MID1: variants seen among roughly 807,000 people sequenced by gnomAD.
The protein encoded by MID1 is E3 ubiquitin-protein ligase Midline-1.
Under a neutral mutation model 40.4 loss-of-function variants are expected in MID1, and 7 were observed. The observed-to-expected ratio is 0.17, with a 90% CI of 0.10 to 0.33. MID1 has a LOEUF of 0.33. Among genes scored for constraint, MID1 ranks in the 10% least tolerant of loss-of-function variants. MID1 has a pLI of 1.00. For missense variants in MID1, 367 were observed against 558.5 expected (o/e 0.66, Z 3.46); for synonymous variants, 229 against 221.2 (o/e 1.04, Z -0.31).
At chrX:10,558,858 G>T (rs1159924235) in intron 2 of MID1, among the ~76,000 whole-genome samples, 1 of 112,608 alleles carries the variant, frequency 8.9e-6, no homozygotes, top group Non-Finnish European at 1.9e-5. Context: ...ACATGATGAA[G>T]AGGTACCATG....
intron 1 of MID1, among the ~76,000 whole-genome samples, chrX:10,626,738 C>T (rs1935999883): frequency 9.0e-6 from 1 of 111,327 alleles, no homozygotes; most frequent in Non-Finnish European, 1.9e-5. Context: ...CATCCTGGAG[C>T]CTCCAAATGA....
At chrX:10,675,449 G>A (rs2147065986) in intron 1 of MID1, among the ~76,000 whole-genome samples, 1 of 111,030 alleles carries the variant, frequency 9.0e-6, no homozygotes, top group Admixed American at 9.6e-5. Context: ...TATGAGGAAA[G>A]GCTTCTGGAC....
intron 1 of MID1, among the ~76,000 whole-genome samples, chrX:10,719,830 A>G (rs201644525): frequency 9.0e-6 from 1 of 111,290 alleles, no homozygotes; most frequent in East Asian, 2.8e-4. Context: ...AAACAGCATG[A>G]TACTGGTACC....
chrX:10,730,815 C>A (rs1233381360), intron 1 of MID1, among the ~76,000 whole-genome samples: 1 of 110,735 alleles, frequency 9.0e-6, no homozygotes, highest in Non-Finnish European at 1.9e-5. Context: ...ACCTCATGAT[C>A]CGCCCACGTC....
At chrX:10,573,081 T>C (rs1369185930) in intron 1 of MID1, among the ~76,000 whole-genome samples, 1 of 112,518 alleles carries the variant, frequency 8.9e-6, no homozygotes, top group Admixed American at 9.4e-5. Flanking sequence ...GTGGGAGGCA[T>C]TGGATACATC....
intron 1 of MID1, among the ~76,000 whole-genome samples, chrX:10,602,485 C>T (rs1438733324): frequency 9.1e-6 from 1 of 110,448 alleles, no homozygotes; most frequent in Admixed American, 9.7e-5. Context: ...TTCTCCCCTC[C>T]CCTATCCCCC....
At chrX:10,517,509 T>G (rs1299110747) in intron 3 of MID1, among the ~76,000 whole-genome samples, 1 of 112,486 alleles carries the variant, frequency 8.9e-6, no homozygotes, top group Non-Finnish European at 1.9e-5. Context: ...GAGTTGGAAA[T>G]GCCAGTTGTC....
chrX:10,579,793 C>CT (rs765255047), intron 1 of MID1, among the ~76,000 whole-genome samples: 5,290 of 94,892 alleles, frequency 0.056, 191 homozygotes, highest in African/African-American at 0.12. Context: ...GGGAAGAAGT[C>CT]TTTTTTTTTT....
chrX:10,794,485 A>T (rs1262319093), intron 1 of MID1, among the ~76,000 whole-genome samples: 1 of 112,562 alleles, frequency 8.9e-6, no homozygotes, highest in Non-Finnish European at 1.9e-5. Context: ...ACCATCACAT[A>T]GAAACCAGTC....
chrX:10,448,552 C>A lies in MID1; in HGVS notation c.*816G>T, dbSNP rs1928137846. 1 of 112,034 alleles carries A rather than the reference C, an allele frequency of 8.9e-6. No individual in the cohort carries two copies. The highest frequency in any genetic ancestry group is 3.2e-5 in the African/African-American group (1 of 30,772). The allele number at this position is 112,034 out of a possible 1,213,427, so 9.2% of individuals were successfully genotyped here. A position where few individuals can be genotyped will look rare whatever the true frequency, so the allele number is the denominator to read the frequency against. ...TTCTATACTATAAAACAGAATCCTA[C>A]CTCTGATAAAAGACAAATCAGCCTG... On this transcript the variant is annotated 3_prime_UTR_variant, in exon 10 of 10. Coordinates refer to ENST00000317552, the MANE Select transcript of MID1 (RefSeq NM_000381.4).
intron 2 of MID1, among the ~76,000 whole-genome samples, chrX:10,561,734 G>A (rs1274399172): frequency 9.3e-6 from 1 of 107,190 alleles, no homozygotes. Flanking sequence ...AGATGCTGGC[G>A]AGGCTGTGGA....
chrX:10,494,218 TATAA>T (rs1931108241), intron 4 of MID1, among the ~76,000 whole-genome samples: 1 of 112,281 alleles, frequency 8.9e-6, no homozygotes, highest in African/African-American at 3.2e-5. Context: ...AATTTATGTG[TATAA>T]ATATTTTGTA....
chrX:10,657,802 T>A (rs752039827), intron 1 of MID1, among the ~76,000 whole-genome samples: 1 of 112,544 alleles, frequency 8.9e-6, no homozygotes, highest in South Asian at 3.7e-4. Flanking sequence ...ATAGCTATGT[T>A]CAAATATTTA....
chrX:10,796,031 C>T lies in MID1; in HGVS notation c.-187+37523G>A, dbSNP rs775840592. ...ATGGAAGAATGAGGCTGTAAGTTTGCTCACCAAGAGGCACTTGGTGGGAAG... is the reference window on the plus strand; with the variant it reads ...ATGGAAGAATGAGGCTGTAAGTTTGTTCACCAAGAGGCACTTGGTGGGAAG... On this transcript the variant is annotated intron_variant, in intron 1 of 10. Coordinates refer to the MID1 transcript ENST00000380785. Among the ~76,000 whole-genome samples, 3 of 112,081 alleles carry T rather than the reference C, an allele frequency of 2.7e-5. No individual in the cohort carries two copies. The South Asian group carries it at 1.1e-3, about 42-fold the overall frequency.
chrX:10,673,398 G>A (rs758679019), intron 1 of MID1, among the ~76,000 whole-genome samples: 6 of 112,023 alleles, frequency 5.4e-5, no homozygotes, highest in Non-Finnish European at 7.5e-5. Context: ...GGCAGGCATG[G>A]CCAGAAACCA....
intron 1 of MID1, among the ~76,000 whole-genome samples, chrX:10,790,483 C>A (rs2043922466): frequency 9.1e-6 from 1 of 110,273 alleles, no homozygotes; most frequent in Admixed American, 9.8e-5. Context: ...GGCCATTAGG[C>A]AGCATTGGTA....
At position 10,596,797 on chromosome X, in the gene MID1, G is replaced by C. The variant is rs368406693; in HGVS notation, c.-57+23493C>G. 6.4e-4 allele frequency among the ~76,000 whole-genome samples: 72 copies of C among 112,231 alleles called. No homozygotes were observed. In the South Asian group the frequency reaches 0.026, roughly 41 times the overall value. On this transcript the variant is annotated intron_variant, in intron 1 of 9. Coordinates refer to ENST00000317552, the MANE Select transcript of MID1 (RefSeq NM_000381.4). Reference sequence around the variant, plus strand: ...ATCCAAAGTAAATAGGACTAAGGGAGCCCTGGGGACACCAAAACCCTGTTA... The same window carrying C: ...ATCCAAAGTAAATAGGACTAAGGGACCCCTGGGGACACCAAAACCCTGTTA...
intron 1 of MID1, among the ~76,000 whole-genome samples, chrX:10,809,372 A>T (rs1318618487): frequency 3.6e-5 from 4 of 111,913 alleles, no homozygotes; most frequent in Non-Finnish European, 7.5e-5. Context: ...CAGTGTGGCG[A>T]TTCCTCAAGG....
intron 1 of MID1, among the ~76,000 whole-genome samples, chrX:10,772,263 A>G (rs922496273): frequency 1.8e-5 from 2 of 111,189 alleles, no homozygotes; most frequent in African/African-American, 6.5e-5. Flanking sequence ...ATTTGCAGCA[A>G]CCTCGATGAT....
Sources: allele counts gnomAD v4.1 joint callset (sites outside exome capture counted in the v4.1 genomes callset), GRCh38; gene constraint gnomAD v4.1.1; transcripts MANE v1.5; gene names NCBI Gene and HGNC (gene_info 2026-07-23, HGNC 2026-07-21).